The following RUNX1T1 variants were observed in gnomAD, a reference collection of about 807,000 sequenced individuals.
The protein encoded by RUNX1T1 is protein CBFA2T1.
In RUNX1T1, 4 loss-of-function variants were observed where a neutral mutation model predicts 62.8. The observed-to-expected ratio is 0.06, with a 90% CI of 0.03 to 0.15. RUNX1T1 has a LOEUF of 0.15. Among genes scored for constraint, RUNX1T1 ranks in the 10% least tolerant of loss-of-function variants. The pLI, the probability that RUNX1T1 is intolerant of heterozygous loss-of-function variation, is 1.00. For missense variants in RUNX1T1, 508 were observed against 754.3 expected, an observed-to-expected ratio of 0.67 and a Z score of 3.82; for synonymous variants, 291 against 286.0, an observed-to-expected ratio of 1.02 and a Z score of -0.18.
chr8:92,055,341 T>C (rs539696431), intron 1 of RUNX1T1, among the ~76,000 whole-genome samples: 108 of 152,372 alleles, frequency 7.1e-4, no homozygotes, highest in Middle Eastern at 3.4e-3. Context: ...TTTAAAGATG[T>C]TCTTTAGAAA....
chr8:92,065,801 G>C (rs1286777767), upstream of RUNX1T1, among the ~76,000 whole-genome samples: 1 of 152,172 alleles, frequency 6.6e-6, no homozygotes, highest in African/African-American at 2.4e-5. Flanking sequence ...CCTTTCCACA[G>C]GTCTTCTCAA....
rs537794749 is a variant in RUNX1T1 at position 91,972,494 on chromosome 8, A to T, written c.1268-1646T>A. On this transcript the variant is annotated intron_variant, in intron 9 of 10. Transcript: ENST00000396218. Reference sequence around the variant, plus strand: ...AGAATCAGAGTATTGCAAACAGCTTATAGCACCTTCTTCACCAGGAGGTGA... The same window carrying T: ...AGAATCAGAGTATTGCAAACAGCTTTTAGCACCTTCTTCACCAGGAGGTGA... Among the ~76,000 whole-genome samples the T allele has an allele frequency of 2.6e-5, 4 of 152,238 alleles. No individual in the cohort carries two copies. The South Asian group carries it at 8.3e-4, about 32-fold the overall frequency.
At chr8:91,966,383 T>G (rs1811623580) in intron 10 of RUNX1T1, among the ~76,000 whole-genome samples, 1 of 152,064 alleles carries the variant, frequency 6.6e-6, no homozygotes, top group Non-Finnish European at 1.5e-5. Context: ...GCTCTGCACC[T>G]ATATAAGAAT....
At position 92,074,690 on chromosome 8, in the gene RUNX1T1, A is replaced by G. The variant is rs530855951; in HGVS notation, c.88+1275T>C. ...CTAATCAACCAAGATCTGAGTTCTC[A>G]AAAAACCAATGTTTAGTAACAACAG... On this transcript the variant is annotated intron_variant, in intron 2 of 11. Transcript: ENST00000265814. Among the ~76,000 whole-genome samples the G allele has an allele frequency of 4.6e-5, 7 of 152,326 alleles. No individual in the cohort carries two copies. In the South Asian group the frequency reaches 1.4e-3, roughly 32 times the overall value.
At chr8:91,996,947 C>T (rs111353304) in intron 5 of RUNX1T1, among the ~76,000 whole-genome samples, 1 of 150,106 alleles carries the variant, frequency 6.7e-6, no homozygotes, top group African/African-American at 2.5e-5. Flanking sequence ...CATGGTGAAA[C>T]CCCGTCTCTA....
chr8:91,988,918 TAAATC>T (rs908215639), intron 6 of RUNX1T1, among the ~76,000 whole-genome samples: 5 of 152,174 alleles, frequency 3.3e-5, no homozygotes, highest in Non-Finnish European at 7.4e-5. Flanking sequence ...AAATAAAAAA[TAAATC>T]AAGATTTTAT....
At chr8:92,027,338 T>C (rs1250490024) in intron 1 of RUNX1T1, among the ~76,000 whole-genome samples, 1 of 152,108 alleles carries the variant, frequency 6.6e-6, no homozygotes, top group African/African-American at 2.4e-5. Context: ...AAAAGGACAA[T>C]GGCATCCTAG....
chr8:92,020,471 T>C (rs1164872691), intron 1 of RUNX1T1, among the ~76,000 whole-genome samples: 1 of 152,146 alleles, frequency 6.6e-6, no homozygotes, highest in Non-Finnish European at 1.5e-5. Flanking sequence ...GTATGTAATT[T>C]CCATTTTTTA....
intron 1 of RUNX1T1, among the ~76,000 whole-genome samples, chr8:92,061,264 C>CAT (rs889558871): frequency 1.3e-5 from 2 of 152,094 alleles, no homozygotes; most frequent in African/African-American, 4.8e-5. Flanking sequence ...TAAAAAAGAT[C>CAT]TGAATTATGA....
In RUNX1T1 at chr8:92,043,893, G is replaced by A. The variant is rs565350506; in HGVS notation, c.7+18653C>T. ...CCTGGGAGGCTGAGGCAGGAGAATC[G>A]CTTGAACCCAGGAGGCAGAGGTTGC... On this transcript the variant is annotated intron_variant, in intron 1 of 10. Transcript: ENST00000396218. Among the ~76,000 whole-genome samples, 6 of 150,314 alleles carry A rather than the reference G, an allele frequency of 4.0e-5. No individual in the cohort carries two copies. The East Asian group carries it at 5.9e-4, about 15-fold the overall frequency.
chr8:91,987,290 T>C (rs1362695216), intron 6 of RUNX1T1, among the ~76,000 whole-genome samples: 1 of 152,198 alleles, frequency 6.6e-6, no homozygotes, highest in Admixed American at 6.5e-5. Flanking sequence ...ATTCTAACTC[T>C]TAATAAATAC....
chr8:92,056,600 A>C (rs1040011608), intron 1 of RUNX1T1, among the ~76,000 whole-genome samples: 1 of 152,014 alleles, frequency 6.6e-6, no homozygotes, highest in Non-Finnish European at 1.5e-5. Context: ...AATTTTAAAA[A>C]TCAACTGCTT....
At chr8:92,077,140 T>C (rs1182051296) in intron 1 of RUNX1T1, among the ~76,000 whole-genome samples, 1 of 152,122 alleles carries the variant, frequency 6.6e-6, no homozygotes, top group Non-Finnish European at 1.5e-5. Flanking sequence ...ATCAATGTAG[T>C]TTATGTGCCA....
chr8:91,987,075 A>C, intron 6 of RUNX1T1, 103 bp from the exon 8 acceptor site: 1 of 773,146 alleles, frequency 1.3e-6, no homozygotes, highest in South Asian at 1.4e-5. Flanking sequence ...CGATGTAAAA[A>C]TACGTTTGAT....
intron 5 of RUNX1T1, among the ~76,000 whole-genome samples, chr8:91,996,189 T>C (rs1034687336): frequency 1.3e-5 from 2 of 152,112 alleles, no homozygotes; most frequent in African/African-American, 4.8e-5. Flanking sequence ...ATTTGTTTTT[T>C]ATTTTTTTTA....
intron 10 of RUNX1T1, among the ~76,000 whole-genome samples, chr8:91,963,878 T>C (rs1333146473): frequency 6.6e-6 from 1 of 152,234 alleles, no homozygotes; most frequent in Non-Finnish European, 1.5e-5. Context: ...TCACTGAAAT[T>C]ACCATAATAG....
intron 1 of RUNX1T1, among the ~76,000 whole-genome samples, chr8:92,033,896 G>A: frequency 6.6e-6 from 1 of 152,038 alleles, no homozygotes; most frequent in Non-Finnish European, 1.5e-5. Context: ...TTGAACCTGG[G>A]AGGTGGAGGT....
chr8:92,010,878 T>C lies in RUNX1T1; in HGVS notation c.477+124A>G, dbSNP rs1821791772. On this transcript the variant is annotated intron_variant, in intron 4 of 10. Transcript: ENST00000396218. ...AGGAAATGGTCATAAATACAATCGA[T>C]TCAGATAGTTTTCATCCATTAAATT... is the stretch of plus-strand genomic sequence containing the variant. 4 of 590,630 alleles carry C rather than the reference T, an allele frequency of 6.8e-6. No homozygotes were observed. In the South Asian group the frequency reaches 9.9e-5, roughly 15 times the overall value. 36.6% of individuals were successfully genotyped at this position (590,630 alleles called of 1,614,324 possible).
At chr8:91,979,250 A>G (rs1814654627) in intron 8 of RUNX1T1, among the ~76,000 whole-genome samples, 1 of 152,198 alleles carries the variant, frequency 6.6e-6, no homozygotes, top group Non-Finnish European at 1.5e-5. Context: ...AAATCTATAT[A>G]GGGAAAACTG....
Sources: allele counts gnomAD v4.1 joint callset (sites outside exome capture counted in the v4.1 genomes callset), GRCh38; gene constraint gnomAD v4.1.1; transcripts MANE v1.5; gene names NCBI Gene and HGNC (gene_info 2026-07-23, HGNC 2026-07-21).